The following CFAP69 variants were observed in gnomAD, a reference collection of about 807,000 sequenced individuals.
CFAP69 encodes cilia- and flagella-associated protein 69.
In CFAP69, 92 loss-of-function variants were observed where a neutral mutation model predicts 123.0. The observed-to-expected ratio is 0.75, with a 90% CI of 0.63 to 0.89. The LOEUF is 0.89. Ranked by LOEUF, CFAP69 falls within the 40% of genes least tolerant of loss-of-function variation. The pLI is 0.00. For missense variants in CFAP69, 1,067 were observed against 1,096.9 expected (o/e 0.97, Z 0.39); for synonymous variants, 380 against 364.3 (o/e 1.04, Z -0.49).
intron 5 of CFAP69, among the ~76,000 whole-genome samples, chr7:90,268,064 G>C (rs1374268442): frequency 2.0e-5 from 3 of 152,180 alleles, no homozygotes; most frequent in Non-Finnish European, 4.4e-5. Context: ...AGGCTGAATT[G>C]ATTGAGGGGC....
chr7:90,302,545 G>C (rs879188909), intron 17 of CFAP69: 3 of 152,120 alleles, frequency 2.0e-5, no homozygotes, highest in Non-Finnish European at 2.9e-5. Context: ...CATATGGCTG[G>C]CTAGTTATCC....
intron 17 of CFAP69, chr7:90,302,141 C>T (rs2117367771): frequency 6.6e-6 from 1 of 152,246 alleles, no homozygotes; most frequent in South Asian, 2.1e-4. Context: ...AGTGTCTGTT[C>T]ATGTCCTTTG....
At chr7:90,315,186 A>G (rs569712139), downstream of CFAP69, among the ~76,000 whole-genome samples, 8 of 152,086 alleles carry the variant, frequency 5.3e-5, no homozygotes, top group South Asian at 1.7e-3. Context: ...CATTGTGGAA[A>G]GCAGTGTGGC....
At chr7:90,300,506 A>AAAG in intron 17 of CFAP69, 4 of 717,930 alleles carry the variant, frequency 5.6e-6, no homozygotes, top group Non-Finnish European at 6.8e-6. Context: ...TTTTTATATG[A>AAAG]AAGAAGATAT....
chr7:90,290,434 G>A (rs930627905), intron 15 of CFAP69, among the ~76,000 whole-genome samples: 1 of 152,174 alleles, frequency 6.6e-6, no homozygotes, highest in Admixed American at 6.6e-5. Context: ...CTCTTACTCA[G>A]CCTTTGCATT....
At chr7:90,316,602 G>T in the CFAP69 span, 1 of 152,176 alleles carries the variant, frequency 6.6e-6, no homozygotes, top group Non-Finnish European at 1.5e-5. Context: ...TTGAATGAAT[G>T]AATGATGAAC....
At chr7:90,283,886 CA>C (rs1789855870) in intron 13 of CFAP69, among the ~76,000 whole-genome samples, 1 of 151,328 alleles carries the variant, frequency 6.6e-6, no homozygotes, top group Non-Finnish European at 1.5e-5. Flanking sequence ...TGGTGCTCTC[CA>C]ATAATAATAA....
chr7:90,308,929 G>A (rs1793987991), intron 21 of CFAP69, among the ~76,000 whole-genome samples: 4 of 152,062 alleles, frequency 2.6e-5, no homozygotes, highest in African/African-American at 9.7e-5. Flanking sequence ...TGCATCACCT[G>A]ATATAAATTT....
chr7:90,319,441 T>C, the CFAP69 span: 3 of 398,462 alleles, frequency 7.5e-6, no homozygotes, highest in Admixed American at 1.3e-4. Context: ...AAGCAAGCAG[T>C]CTACATACAT....
At chr7:90,312,081 C>G (rs1367080930), downstream of CFAP69, among the ~76,000 whole-genome samples, 7 of 152,168 alleles carry the variant, frequency 4.6e-5, no homozygotes, top group Admixed American at 2.0e-4. Context: ...AAGGTAGAGA[C>G]CATATCTCAT....
chr7:90,300,739 C>T lies in CFAP69; in HGVS notation c.2050+680C>T, dbSNP rs181715271. 7.7e-4 allele frequency: 130 copies of T among 169,292 alleles called. 1 individual carries two copies. Among genetic ancestry groups the T allele is most frequent in the Admixed American group, 1.4e-3 (22 of 15,292 alleles). The allele number at this position is 169,292 out of a possible 1,614,324, so 10.5% of individuals were successfully genotyped here. A position where few individuals can be genotyped will look rare whatever the true frequency, so the allele number is the denominator to read the frequency against. On this transcript the variant is annotated intron_variant, in intron 17 of 22. Coordinates refer to ENST00000389297, the MANE Select transcript of CFAP69 (RefSeq NM_001039706.3). ...AATCTTGGCTCACTGAAACCTCTGC[C>T]TCCCAGGCTCAAGCGATTTTCCTGC...
At position 90,307,860 on chromosome 7, in the gene CFAP69, AT is replaced by A. The variant is rs756788174; in HGVS notation, c.2550+11del. The A allele has an allele frequency of 2.5e-6, 4 of 1,580,830 alleles. No homozygotes were observed. In the South Asian group the frequency reaches 4.5e-5, roughly 18 times the overall value. On this transcript the variant is annotated splice_region_variant and intron_variant, in intron 21 of 22. Transcript: ENST00000389297. ...CAAACGCTAAAACGTTAAAGGTAGG[AT>A]TTTTAATGTATTATAGTATCCACAA...
intron 1 of CFAP69, among the ~76,000 whole-genome samples, chr7:90,250,663 A>T (rs1189997662): frequency 6.6e-6 from 1 of 152,218 alleles, no homozygotes; most frequent in East Asian, 1.9e-4. Context: ...ACATCTTAAG[A>T]TGATAGTATT....
intron 6 of CFAP69, among the ~76,000 whole-genome samples, chr7:90,270,589 AG>A (rs1317436014): frequency 1.3e-5 from 2 of 152,164 alleles, no homozygotes; most frequent in African/African-American, 4.8e-5. Context: ...AGCTCATCAC[AG>A]CATTGGACAG....
At chr7:90,258,077 A>G (rs761777925) in intron 2 of CFAP69, 21 bp from the exon 3 acceptor site, 13 of 1,588,500 alleles carry the variant, frequency 8.2e-6, no homozygotes, top group Non-Finnish European at 1.1e-5. Flanking sequence ...CAAAAGAACT[A>G]AAATAGGTGA....
Position 90,271,599 on chromosome 7 carries a change from G to A in CFAP69, c.606G>A (p.Gln202=), listed in dbSNP as rs1439977599. ...EVGGLAKTMV[Q]SMTLLENQLV... ...GAGGATTAGCAAAAACAATGGTCCA[G>A]TCAATGACCTTGCTTGAAAATCAAC... The change falls in exon 7 of 23, where the codon CAG becomes CAA. Residue 202 remains glutamine (Q), a synonymous_variant. Transcript: ENST00000389297. The A allele has an allele frequency of 6.2e-7, 1 of 1,613,436 alleles. No homozygotes were observed. The highest frequency in any genetic ancestry group is 1.7e-5 in the Admixed American group (1 of 59,984).
At chr7:90,298,621 C>T (rs1338741821) in intron 16 of CFAP69, among the ~76,000 whole-genome samples, 1 of 152,136 alleles carries the variant, frequency 6.6e-6, no homozygotes, top group East Asian at 1.9e-4. Flanking sequence ...TAGTTCATTT[C>T]TCTCTTTTCG....
At chr7:90,290,810 C>CTTTTCTT (rs1791064403) in intron 15 of CFAP69, among the ~76,000 whole-genome samples, 2 of 69,786 alleles carry the variant, frequency 2.9e-5, no homozygotes, top group African/African-American at 1.0e-4. Context: ...CTTTTCTTTT[C>CTTTTCTT]TTTTCTTTTC....
chr7:90,291,375 T>C (rs975495555), intron 15 of CFAP69, among the ~76,000 whole-genome samples: 1 of 152,136 alleles, frequency 6.6e-6, no homozygotes, highest in Non-Finnish European at 1.5e-5. Flanking sequence ...GCAGAGGTTA[T>C]TTGTGTCAGC....
Sources: gnomAD v4.1 joint callset for allele counts (sites outside exome capture counted in the v4.1 genomes callset) on GRCh38, gnomAD v4.1.1 for gene constraint, MANE v1.5 for transcripts, NCBI Gene and HGNC (gene_info 2026-07-23, HGNC 2026-07-21) for gene names.